The following LINGO2 variants were observed in gnomAD, a reference collection of about 807,000 sequenced individuals.
LINGO2 encodes leucine rich repeat and Ig domain containing 2.
In LINGO2, 14 loss-of-function variants were observed where a neutral mutation model predicts 30.6. The observed-to-expected ratio is 0.46, with a 90% CI of 0.30 to 0.72. LINGO2 has a LOEUF of 0.72. Among genes scored for constraint, LINGO2 ranks in the 30% least tolerant of loss-of-function variants. The pLI is 0.07. For synonymous variants in LINGO2, 317 were observed against 288.5 expected (o/e 1.10, Z -1.00); for missense variants, 729 against 751.7 (o/e 0.97, Z 0.35).
chr9:29,149,539 C>T, the LINGO2 span, among the ~76,000 whole-genome samples: 36,238 of 151,392 alleles, frequency 0.24, 4,529 homozygotes, highest in East Asian at 0.44. Context: ...GGGAGAAAGT[C>T]GGGAACCTTG....
At chr9:28,714,188 T>C in the LINGO2 span, among the ~76,000 whole-genome samples, 6,337 of 73,298 alleles carry the variant, frequency 0.086, 529 homozygotes, top group African/African-American at 0.33. Flanking sequence ...TATATATATA[T>C]ACACACATAC....
chr9:29,056,472 C>T, the LINGO2 span, among the ~76,000 whole-genome samples: 4 of 151,960 alleles, frequency 2.6e-5, no homozygotes, highest in Non-Finnish European at 4.4e-5. Context: ...GTTTGAGTTC[C>T]TTGTAGATTC....
the LINGO2 span, among the ~76,000 whole-genome samples, chr9:28,939,346 T>TTG: frequency 6.6e-6 from 1 of 152,190 alleles, no homozygotes; most frequent in African/African-American, 2.4e-5. Flanking sequence ...CTGTCTCCTG[T>TTG]TATAAAGCCT....
the LINGO2 span, among the ~76,000 whole-genome samples, chr9:28,938,947 C>T: frequency 1.3e-5 from 2 of 152,192 alleles, no homozygotes; most frequent in African/African-American, 4.8e-5. Context: ...CAAGTAGAAA[C>T]TGTTCAATAG....
intron 3 of LINGO2, among the ~76,000 whole-genome samples, chr9:28,362,483 T>G (rs990367072): frequency 6.6e-6 from 1 of 152,124 alleles, no homozygotes; most frequent in Non-Finnish European, 1.5e-5. Context: ...TTTTTTTCTT[T>G]TTTTGAGACT....
the LINGO2 span, among the ~76,000 whole-genome samples, chr9:29,161,447 A>G: frequency 6.6e-6 from 1 of 152,176 alleles, no homozygotes; most frequent in African/African-American, 2.4e-5. Context: ...AATTTTAACT[A>G]GGTAAAGCAA....
chr9:28,676,273 G>A, the LINGO2 span, among the ~76,000 whole-genome samples: 186 of 151,676 alleles, frequency 1.2e-3, 1 homozygote, highest in African/African-American at 3.1e-3. Context: ...TATACCATTC[G>A]CTGGAGCAAT....
At chr9:28,990,015 T>C in the LINGO2 span, among the ~76,000 whole-genome samples, 1 of 152,048 alleles carries the variant, frequency 6.6e-6, no homozygotes, top group Non-Finnish European at 1.5e-5. Flanking sequence ...CGGGTTCATC[T>C]CACTAGGGAG....
intron 5 of LINGO2, among the ~76,000 whole-genome samples, chr9:28,006,113 C>A (rs568999281): frequency 6.6e-6 from 1 of 151,914 alleles, no homozygotes; most frequent in African/African-American, 2.4e-5. Context: ...ACCAGGAGAG[C>A]TTTGCTACCC....
chr9:28,152,452 T>C (rs1828027342), intron 4 of LINGO2, among the ~76,000 whole-genome samples: 1 of 152,062 alleles, frequency 6.6e-6, no homozygotes, highest in South Asian at 2.1e-4. Flanking sequence ...AGCAGAACTG[T>C]GGGGCAGCCA....
At chr9:29,028,666 G>A in the LINGO2 span, among the ~76,000 whole-genome samples, 3,490 of 152,178 alleles carry the variant, frequency 0.023, 144 homozygotes, top group African/African-American at 0.079. Flanking sequence ...AAGAGGTCTC[G>A]CATTCTTACT....
chr9:27,963,738 TAAA>T (rs200590304), intron 5 of LINGO2, among the ~76,000 whole-genome samples: 8 of 120,828 alleles, frequency 6.6e-5, no homozygotes, highest in Non-Finnish European at 9.1e-5. Context: ...GAGGTAAGGG[TAAA>T]AAAAAAAAAA....
chr9:28,365,811 A>G (rs1820648038), intron 3 of LINGO2, among the ~76,000 whole-genome samples: 1 of 143,732 alleles, frequency 7.0e-6, no homozygotes, highest in South Asian at 2.2e-4. Flanking sequence ...TTTTCTTCCA[A>G]TGGGGAAATG....
intron 2 of LINGO2, among the ~76,000 whole-genome samples, chr9:28,399,976 C>T (rs1054627933): frequency 9.9e-5 from 15 of 152,062 alleles, no homozygotes; most frequent in African/African-American, 3.1e-4. Context: ...AAAATTAAAA[C>T]GAATGGTCTA....
At chr9:28,087,123 C>G (rs1388698075) in intron 4 of LINGO2, among the ~76,000 whole-genome samples, 2 of 152,052 alleles carry the variant, frequency 1.3e-5, no homozygotes, top group Non-Finnish European at 1.5e-5. Flanking sequence ...AGAGCCAAGT[C>G]ATGTAAGCTG....
At chr9:28,970,886 T>C in the LINGO2 span, among the ~76,000 whole-genome samples, 1 of 152,096 alleles carries the variant, frequency 6.6e-6, no homozygotes, top group Non-Finnish European at 1.5e-5. Context: ...CACCACCTAT[T>C]GAGGCAACAG....
chr9:28,619,732 C>T (rs751593784), intron 1 of LINGO2, among the ~76,000 whole-genome samples: 1 of 152,062 alleles, frequency 6.6e-6, no homozygotes, highest in African/African-American at 2.4e-5. Flanking sequence ...TTCTCATATA[C>T]TCAGTTTCAC....
chr9:29,082,947 G>C, the LINGO2 span, among the ~76,000 whole-genome samples: 2 of 152,236 alleles, frequency 1.3e-5, no homozygotes, highest in East Asian at 3.9e-4. Flanking sequence ...GTGCTGGAGA[G>C]GATGTGGAGA....
chr9:28,231,137 T>C (rs1261891594), intron 4 of LINGO2, among the ~76,000 whole-genome samples: 1 of 151,040 alleles, frequency 6.6e-6, no homozygotes, highest in African/African-American at 2.4e-5. Flanking sequence ...GTGGGATCAA[T>C]GAGATCAAGG....
Sources: gnomAD v4.1 joint callset for allele counts (sites outside exome capture counted in the v4.1 genomes callset) on GRCh38, gnomAD v4.1.1 for gene constraint, MANE v1.5 for transcripts, NCBI Gene and HGNC (gene_info 2026-07-23, HGNC 2026-07-21) for gene names.